ROBO1: variants seen among roughly 807,000 people sequenced by gnomAD.
ROBO1 encodes roundabout guidance receptor 1, also known as roundabout homolog 1.
A neutral mutation model predicts 195.9 loss-of-function variants in ROBO1; 149 were observed. The observed-to-expected ratio is 0.76, with a 90% CI of 0.67 to 0.87. The LOEUF is 0.87. Ranked by LOEUF, ROBO1 falls within the 40% of genes least tolerant of loss-of-function variation. The probability of loss-of-function intolerance (pLI) is 0.00; values close to 1 mark genes in which losing one functional copy is unlikely to be tolerated. For missense variants in ROBO1, 1,933 were observed against 2,068.3 expected (o/e 0.93, Z 1.27); for synonymous variants, 816 against 733.2 (o/e 1.11, Z -1.82).
At chr3:79,765,944 C>G (rs914343929) in intron 1 of ROBO1, among the ~76,000 whole-genome samples, 1 of 152,252 alleles carries the variant, frequency 6.6e-6, no homozygotes, top group East Asian at 1.9e-4. Flanking sequence ...CTGTAACACA[C>G]AGCTTGATGA....
intron 2 of ROBO1, among the ~76,000 whole-genome samples, chr3:79,263,102 T>C (rs1432688650): frequency 6.6e-6 from 1 of 152,130 alleles, no homozygotes; most frequent in African/African-American, 2.4e-5. Flanking sequence ...TTTAGTACCA[T>C]CATTTTCATA....
intron 8 of ROBO1, among the ~76,000 whole-genome samples, chr3:78,713,564 A>G (rs1310260597): frequency 1.3e-5 from 2 of 152,154 alleles, no homozygotes; most frequent in African/African-American, 4.8e-5. Flanking sequence ...CTTGCCACTT[A>G]AAAAGAAAAA....
At chr3:79,693,726 C>A (rs1325421804) in intron 1 of ROBO1, among the ~76,000 whole-genome samples, 1 of 151,780 alleles carries the variant, frequency 6.6e-6, no homozygotes, top group Non-Finnish European at 1.5e-5. Flanking sequence ...GTGTGAGCCA[C>A]TGTGCCCAAC....
intron 2 of ROBO1, among the ~76,000 whole-genome samples, chr3:79,575,473 TATAA>T (rs1479282227): frequency 1.5e-5 from 2 of 134,090 alleles, no homozygotes; most frequent in Non-Finnish European, 3.1e-5. Context: ...CAAATACATA[TATAA>T]ATATATATAA....
intron 2 of ROBO1, among the ~76,000 whole-genome samples, chr3:79,412,121 T>C (rs946740215): frequency 1.3e-5 from 2 of 152,124 alleles, no homozygotes; most frequent in Non-Finnish European, 2.9e-5. Context: ...ATCCTGTCAT[T>C]TTATTCAGCA....
chr3:78,630,865 T>TA, intron 25 of ROBO1, among the ~76,000 whole-genome samples: 1 of 152,164 alleles, frequency 6.6e-6, no homozygotes, highest in Non-Finnish European at 1.5e-5. Flanking sequence ...AATCACAAAA[T>TA]TATATATCCA....
At chr3:78,879,326 G>A (rs1295391719) in intron 4 of ROBO1, among the ~76,000 whole-genome samples, 1 of 152,082 alleles carries the variant, frequency 6.6e-6, no homozygotes, top group East Asian at 1.9e-4. Context: ...ATGTGTGACA[G>A]GGAGCATGTG....
chr3:79,326,061 G>A (rs2034199718), intron 2 of ROBO1, among the ~76,000 whole-genome samples: 2 of 152,220 alleles, frequency 1.3e-5, no homozygotes, highest in South Asian at 4.1e-4. Context: ...GTCTCCCATA[G>A]AGCTCCCAGG....
intron 4 of ROBO1, among the ~76,000 whole-genome samples, chr3:78,857,730 G>A (rs2034541330): frequency 6.6e-6 from 1 of 152,180 alleles, no homozygotes; most frequent in Non-Finnish European, 1.5e-5. Context: ...TATACTCACA[G>A]CATTAAGGAA....
intron 19 of ROBO1, among the ~76,000 whole-genome samples, chr3:78,649,042 G>GC (rs1706479916): frequency 6.8e-6 from 1 of 147,676 alleles, no homozygotes; most frequent in African/African-American, 2.5e-5. Context: ...ATCCTATTGT[G>GC]TTTTTTTTCA....
intron 3 of ROBO1, among the ~76,000 whole-genome samples, chr3:79,100,150 G>A (rs534958649): frequency 6.6e-6 from 1 of 151,876 alleles, no homozygotes; most frequent in East Asian, 1.9e-4. Flanking sequence ...GGGAAACACA[G>A]AAATCAAATA....
At chr3:79,065,933 A>AC (rs964446704) in intron 3 of ROBO1, among the ~76,000 whole-genome samples, 5 of 151,852 alleles carry the variant, frequency 3.3e-5, no homozygotes, top group African/African-American at 1.2e-4. Flanking sequence ...CAATTTTTTA[A>AC]CCCCCTAAGG....
intron 2 of ROBO1, among the ~76,000 whole-genome samples, chr3:79,421,155 A>G (rs1575803139): frequency 6.6e-6 from 1 of 152,120 alleles, no homozygotes; most frequent in African/African-American, 2.4e-5. Context: ...CTCACTTACA[A>G]GTGAGAGCTT....
chr3:78,724,216 C>T (rs1477456925), intron 5 of ROBO1, among the ~76,000 whole-genome samples: 1 of 152,038 alleles, frequency 6.6e-6, no homozygotes, highest in Non-Finnish European at 1.5e-5. Context: ...TCAATGACTA[C>T]ATTGAAATGG....
intron 2 of ROBO1, among the ~76,000 whole-genome samples, chr3:79,250,338 A>G (rs939956182): frequency 6.6e-5 from 10 of 152,206 alleles, no homozygotes; most frequent in African/African-American, 2.2e-4. Flanking sequence ...TAATGAAGAC[A>G]TTAGACATTA....
Position 78,600,262 on chromosome 3 carries a change from G to A in ROBO1, c.4792C>T (p.Pro1598Ser), listed in dbSNP as rs771821313. Residue 1598 changes from proline (P) to serine (S), a missense_variant, in exon 30 of 31, where the codon CCC becomes TCC. Pro to Ser is a moderately conservative substitution (Grantham distance 74, BLOSUM62 -1). Around this residue, in one of 3 missense-constraint regions of ROBO1, gnomAD observed 1,737 missense variants for 1,882.5 expected, o/e 0.92. Coordinates refer to ENST00000464233, the MANE Select transcript of ROBO1 (RefSeq NM_002941.4). ...CRPTFPTSNN[P>S]RDPSSSSSMS... ...GAGCTTGAGGAACTGGGATCTCTGG[G>A]ATTATTTGATGTTGGAAAAGTAGGT... 7 of 1,613,054 alleles carry A rather than the reference G, an allele frequency of 4.3e-6. No individual in the cohort carries two copies. Among genetic ancestry groups the A allele is most frequent in the Non-Finnish European group, 5.1e-6 (6 of 1,179,266 alleles).
At chr3:79,633,410 G>T (rs1202537530) in intron 1 of ROBO1, among the ~76,000 whole-genome samples, 1 of 124,720 alleles carries the variant, frequency 8.0e-6, no homozygotes, top group Non-Finnish European at 1.6e-5. Flanking sequence ...GGCTGGTCTT[G>T]AAATCCTGGG....
At chr3:79,736,357 A>T (rs775170971) in intron 1 of ROBO1, among the ~76,000 whole-genome samples, 1 of 152,232 alleles carries the variant, frequency 6.6e-6, no homozygotes, top group Admixed American at 6.5e-5. Context: ...AATGGTAAGA[A>T]GTTTGCATCT....
chr3:78,607,372 C>CT (rs975838317), intron 28 of ROBO1: 5 of 226,178 alleles, frequency 2.2e-5, no homozygotes, highest in African/African-American at 1.1e-4. Context: ...ACCACCACAC[C>CT]TGGCTACGTT....
Sources: gnomAD v4.1 joint callset for allele counts (sites outside exome capture counted in the v4.1 genomes callset) on GRCh38, gnomAD v4.1.1 for gene constraint, gnomAD v4.1.1 regional missense constraint, MANE v1.5 for transcripts, NCBI Gene and HGNC (gene_info 2026-07-23, HGNC 2026-07-21) for gene names.